The following STK38 variants were observed in gnomAD, a reference collection of about 807,000 sequenced individuals.
STK38 encodes the protein serine/threonine kinase 38.
In STK38, 26 loss-of-function variants were observed where a neutral mutation model predicts 59.0. That is an observed-to-expected ratio of 0.44 (90% CI 0.32 to 0.61). The LOEUF is 0.61. STK38 is among the 20% of genes least tolerant of loss of function. The pLI, the probability that STK38 is intolerant of heterozygous loss-of-function variation, is 0.04. For missense variants in STK38, 433 were observed against 566.0 expected (o/e 0.76, Z 2.38); for synonymous variants, 175 against 176.6 (o/e 0.99, Z 0.07).
chr6:36,535,953 T>C (rs983210444), intron 2 of STK38, among the ~76,000 whole-genome samples: 2 of 150,314 alleles, frequency 1.3e-5, no homozygotes, highest in African/African-American at 4.9e-5. Context: ...AAATTTATAA[T>C]AAAATGCAAA....
intron 2 of STK38, among the ~76,000 whole-genome samples, chr6:36,537,751 T>C (rs1687977952): frequency 6.6e-6 from 1 of 151,838 alleles, no homozygotes; most frequent in South Asian, 2.1e-4. Context: ...TTTTAAAAAT[T>C]AGCCAAGCAT....
chr6:36,531,657 G>A (rs1777668749), intron 2 of STK38, among the ~76,000 whole-genome samples: 1 of 152,178 alleles, frequency 6.6e-6, no homozygotes, highest in Non-Finnish European at 1.5e-5. Flanking sequence ...GGTATTAACA[G>A]GAGACCATCA....
chr6:36,540,449 A>C (rs1463322562), intron 1 of STK38, among the ~76,000 whole-genome samples: 1 of 152,228 alleles, frequency 6.6e-6, no homozygotes, highest in Non-Finnish European at 1.5e-5. Flanking sequence ...AGGCTTCTAA[A>C]GTGACATACA....
At chr6:36,499,331 G>C (rs1342868175) in intron 10 of STK38, among the ~76,000 whole-genome samples, 1 of 152,064 alleles carries the variant, frequency 6.6e-6, no homozygotes, top group East Asian at 1.9e-4. Context: ...ACCTCCACAG[G>C]CATCGTTCCC....
At chr6:36,517,941 A>C in intron 5 of STK38, 101 bp from the exon 6 acceptor site, 1 of 1,402,808 alleles carries the variant, frequency 7.1e-7, no homozygotes. Context: ...TACTGTTTTG[A>C]GTATTTAATC....
At chr6:36,507,395 A>T in intron 8 of STK38, 105 bp downstream of exon 8, 1 of 942,240 alleles carries the variant, frequency 1.1e-6, no homozygotes, top group Non-Finnish European at 1.7e-6. Flanking sequence ...TTCTCTACAT[A>T]CTCAAAGTGT....
intron 1 of STK38, among the ~76,000 whole-genome samples, chr6:36,543,477 G>T (rs1475229035): frequency 6.6e-6 from 1 of 152,098 alleles, no homozygotes; most frequent in Non-Finnish European, 1.5e-5. Context: ...GAACACTGTG[G>T]TTCATGCCTG....
chr6:36,523,736 G>C lies in STK38; in HGVS notation c.306+605C>G, dbSNP rs78588268. Among the ~76,000 whole-genome samples the C allele has an allele frequency of 1.1e-3, 173 of 152,276 alleles. 1 individual carries two copies. The highest frequency in any genetic ancestry group is 3.5e-3 in the African/African-American group (147 of 41,534). The stretch of plus-strand genomic sequence containing the variant: ...CAGGATCATTTCCAAGAATTGCGGG[G>C]ACAAAGTCGCAAATGCTTTCAACTC... On this transcript the variant is annotated intron_variant, in intron 4 of 13. Transcript: ENST00000229812.
chr6:36,530,593 G>T (rs1230125010), intron 2 of STK38, among the ~76,000 whole-genome samples: 2 of 151,914 alleles, frequency 1.3e-5, no homozygotes, highest in Non-Finnish European at 2.9e-5. Context: ...TCGAACTCCT[G>T]ACCTCAAGTG....
At chr6:36,527,585 T>C (rs1777563102) in intron 2 of STK38, among the ~76,000 whole-genome samples, 1 of 151,930 alleles carries the variant, frequency 6.6e-6, no homozygotes, top group Non-Finnish European at 1.5e-5. Context: ...CATCAAACTT[T>C]TGGAATACTG....
intron 7 of STK38, among the ~76,000 whole-genome samples, chr6:36,512,955 T>G (rs1269986675): frequency 1.3e-5 from 2 of 152,186 alleles, no homozygotes; most frequent in Non-Finnish European, 2.9e-5. Context: ...CCACCGCGCC[T>G]GGCCAGCGTA....
chr6:36,527,327 T>C lies in STK38; in HGVS notation c.132-1685A>G, dbSNP rs1401982236. Among the ~76,000 whole-genome samples, 4 of 145,190 alleles carry C rather than the reference T, an allele frequency of 2.8e-5. No individual in the cohort carries two copies. In the Admixed American group the frequency reaches 2.8e-4, roughly 10 times the overall value. On this transcript the variant is annotated intron_variant, in intron 2 of 13. Coordinates refer to ENST00000229812, the MANE Select transcript of STK38 (RefSeq NM_007271.4). ...ATATACGTATATATACACACATATA[T>C]ATACACACACATATATGTAATATAT...
intron 9 of STK38, among the ~76,000 whole-genome samples, chr6:36,503,495 G>A (rs1193539352): frequency 1.3e-5 from 2 of 151,858 alleles, no homozygotes; most frequent in Non-Finnish European, 1.5e-5. Context: ...TAACACAAAT[G>A]CCAGTGTTGT....
intron 9 of STK38, among the ~76,000 whole-genome samples, chr6:36,503,426 C>T (rs528527843): frequency 7.1e-4 from 97 of 136,618 alleles, no homozygotes; most frequent in African/African-American, 3.0e-3. Context: ...TTCCATATAG[C>T]TAAGTGTGTG....
chr6:36,495,810 G>GT lies in STK38; in HGVS notation c.1371dup (p.Pro458ThrfsTer40), dbSNP rs781605703. 3.7e-6 allele frequency: 6 copies of GT among 1,613,916 alleles called. No homozygotes were observed. In the Admixed American group the frequency reaches 1.0e-4, roughly 27 times the overall value. ...TATTTTGCTGCTTTCATGTAGGAAG[G>GT]TATTGCCCCCCTTGCAGTCAGGCCC... On this transcript the variant is annotated frameshift_variant, in exon 14 of 14. Transcript: ENST00000229812. LOFTEE classifies it high-confidence loss of function.
chr6:36,542,539 TC>T (rs1367240749), intron 1 of STK38, among the ~76,000 whole-genome samples: 8 of 152,206 alleles, frequency 5.3e-5, no homozygotes, highest in African/African-American at 1.9e-4. Flanking sequence ...TCCTAGCTAC[TC>T]CAAAGGCTGA....
At chr6:36,514,048 G>A (rs1202743116) in intron 7 of STK38, among the ~76,000 whole-genome samples, 2 of 151,130 alleles carry the variant, frequency 1.3e-5, no homozygotes, top group African/African-American at 2.4e-5. Context: ...CCAGCTACTC[G>A]AGAGGCTGAG....
At chr6:36,503,066 T>C (rs957434794) in intron 9 of STK38, among the ~76,000 whole-genome samples, 1 of 152,236 alleles carries the variant, frequency 6.6e-6, no homozygotes, top group Non-Finnish European at 1.5e-5. Flanking sequence ...AACATTCTTC[T>C]GAATGTCTCC....
chr6:36,516,980 T>G (rs1196277302), intron 6 of STK38, among the ~76,000 whole-genome samples: 2 of 152,004 alleles, frequency 1.3e-5, no homozygotes, highest in African/African-American at 4.8e-5. Context: ...TTTCTAACAT[T>G]AATCAACTGT....
Sources: allele counts gnomAD v4.1 joint callset (sites outside exome capture counted in the v4.1 genomes callset), GRCh38; gene constraint gnomAD v4.1.1; transcripts MANE v1.5; gene names NCBI Gene and HGNC (gene_info 2026-07-23, HGNC 2026-07-21).